The following PNPLA6 variants were observed in gnomAD, a reference collection of about 807,000 sequenced individuals.
PNPLA6 encodes patatin like domain 6, lysophospholipase.
In PNPLA6, 105 loss-of-function variants were observed where a neutral mutation model predicts 153.7. The ratio of observed to expected loss-of-function variants is 0.68; its 90% CI spans 0.58 to 0.80. The LOEUF (loss-of-function observed/expected upper bound fraction) is 0.80. Among genes scored for constraint, PNPLA6 ranks in the 30% least tolerant of loss-of-function variants. PNPLA6 has a pLI of 0.00. For missense variants in PNPLA6, 1,423 were observed against 1,919.3 expected (o/e 0.74, Z 4.83); for synonymous variants, 825 against 822.2 (o/e 1.00, Z -0.06).
chr19:7,558,782 G>T (rs560246204), intron 27 of PNPLA6, 68 bp from the exon 28 acceptor site: 8 of 1,127,118 alleles, frequency 7.1e-6, no homozygotes, highest in Non-Finnish European at 1.0e-5. Flanking sequence ...GCATCTGTGG[G>T]ACTGGGTTGA....
chr19:7,540,597 G>T lies in PNPLA6; in HGVS notation c.715-33G>T, dbSNP rs1317975052. 6.5e-7 allele frequency: 1 copy of T among 1,539,550 alleles called. No homozygotes were observed. Among genetic ancestry groups the T allele is most frequent in the African/African-American group, 1.4e-5 (1 of 73,502 alleles). On this transcript the variant is annotated intron_variant, in intron 5 of 31. Transcript: ENST00000600737. The surrounding 1 kb of genome is among the most constrained non-coding windows in gnomAD (Gnocchi z 6.8). ...GCGACATGCCAGTCACCAGGGCGAG[G>T]CCACTGAGGGTCCACGGTCTCCTGT...
chr19:7,536,314 G>GGCC (rs748403555), intron 2 of PNPLA6, 41 bp downstream of exon 2: 3 of 1,516,898 alleles, frequency 2.0e-6, no homozygotes, highest in Non-Finnish European at 9.2e-7. Context: ...ACCACACAGA[G>GGCC]GCCGCGCCCC....
Position 7,554,728 on chromosome 19 carries a change from G to T in PNPLA6, c.2634+5G>T. 6.2e-7 allele frequency: 1 copy of T among 1,611,566 alleles called. No individual in the cohort carries two copies. The stretch of plus-strand genomic sequence containing the variant: ...CAGGAGCCTACCCTCGGCCAGGTCG[G>T]AAGCCCGTGCCCCCTGATCTCACCC... On this transcript the variant is annotated splice_donor_5th_base_variant and intron_variant, in intron 21 of 31. Transcript: ENST00000600737.
rs1433006907 is a variant in PNPLA6, at chr19:7,541,090, C to A, written c.924+39C>A. On this transcript the variant is annotated intron_variant, in intron 7 of 31. Coordinates refer to ENST00000600737, the MANE Select transcript of PNPLA6 (RefSeq NM_001166114.2). This position sits in a 1 kb window ranked among gnomAD's most constrained non-coding sequence, Gnocchi z 5.2. ...CGCCTCCTGTCACCCCCTGAGGGAC[C>A]CCACCCTGGCCCCCACCCATTCCAG... 21 of 1,590,792 alleles carry A rather than the reference C, an allele frequency of 1.3e-5. No individual in the cohort carries two copies. The highest frequency in any genetic ancestry group is 1.5e-5 in the Non-Finnish European group (18 of 1,169,130).
In PNPLA6 at chr19:7,554,727, G is replaced by C. The variant is rs751744206; in HGVS notation, c.2634+4G>C. On this transcript the variant is annotated splice_donor_region_variant and intron_variant, in intron 21 of 31. Transcript: ENST00000600737. ...CCAGGAGCCTACCCTCGGCCAGGTC[G>C]GAAGCCCGTGCCCCCTGATCTCACC... 8 of 1,611,412 alleles carry C rather than the reference G, an allele frequency of 5.0e-6. No individual in the cohort carries two copies. In the African/African-American group the frequency reaches 1.1e-4, roughly 22 times the overall value.
Position 7,540,941 on chromosome 19 carries a change from C to A in PNPLA6, c.814C>A (p.Arg272=). Residue 272 remains arginine (R), a synonymous_variant, in exon 7 of 32, where the codon CGG becomes AGG. Transcript: ENST00000600737. This position sits in a 1 kb window ranked among gnomAD's most constrained non-coding sequence, Gnocchi z 6.8. ...CCCCCAGGGTCACCAGCATCCCCAG[C>A]GGACCGTGTCTGCCCGGGCGGCCCG... ...DVITGHQHPQ[R]TVSARAARDS... is the part of the protein sequence containing the mutation. 2.5e-6 allele frequency: 4 copies of A among 1,612,844 alleles called. No individual in the cohort carries two copies. Among genetic ancestry groups the A allele is most frequent in the South Asian group, 1.1e-5 (1 of 91,060 alleles).
intron 31 of PNPLA6, 72 bp downstream of exon 31, chr19:7,561,389 C>A (rs45474094): frequency 1.4e-6 from 2 of 1,427,820 alleles, no homozygotes; most frequent in Non-Finnish European, 1.9e-6. Context: ...GCAGGGGAGC[C>A]GGGGGCGTAT....
chr19:7,547,806 T>TTAAA (rs1555747266), intron 13 of PNPLA6, among the ~76,000 whole-genome samples: 1 of 23,790 alleles, frequency 4.2e-5, no homozygotes, highest in Non-Finnish European at 8.3e-5. Flanking sequence ...CCTGGCTAAT[T>TTAAA]AAAAATTTTT....
At chr19:7,557,898 G>A (rs1057384127) in intron 27 of PNPLA6, among the ~76,000 whole-genome samples, 3 of 152,182 alleles carry the variant, frequency 2.0e-5, no homozygotes, top group Admixed American at 1.3e-4. Context: ...CACACATCAG[G>A]GGACATGCAG....
chr19:7,548,872 G>A (rs1375430024), intron 13 of PNPLA6, among the ~76,000 whole-genome samples: 3 of 146,068 alleles, frequency 2.1e-5, no homozygotes, highest in Admixed American at 6.9e-5. Flanking sequence ...GCGCGATCTC[G>A]GCTCACTGCA....
At chr19:7,557,667 C>T (rs897311890) in intron 27 of PNPLA6, 5 of 351,474 alleles carry the variant, frequency 1.4e-5, no homozygotes, top group African/African-American at 1.1e-4. Flanking sequence ...GCCTGTAATC[C>T]CAGCTACTCA....
At position 7,553,950 on chromosome 19, in the gene PNPLA6, C is replaced by CT. The variant is rs757382473; in HGVS notation, c.2337dup (p.Val780CysfsTer4). ...AACCTGGCAACTGTGGCAATCCTGCCTGTGTGTGCTGAGGTCCCCATGGTG... is the reference window on the plus strand; with the variant it reads ...AACCTGGCAACTGTGGCAATCCTGCCTTGTGTGTGCTGAGGTCCCCATGGTG... On this transcript the variant is annotated frameshift_variant, in exon 19 of 32. Transcript: ENST00000600737. LOFTEE classifies it high-confidence loss of function. The CT allele has an allele frequency of 1.9e-6, 3 of 1,613,570 alleles. No homozygotes were observed. The highest frequency in any genetic ancestry group is 2.5e-6 in the Non-Finnish European group (3 of 1,179,834).
upstream of PNPLA6, chr19:7,535,213 G>C: frequency 1.9e-6 from 1 of 538,222 alleles, no homozygotes; most frequent in Non-Finnish European, 3.4e-6. This position sits in a 1 kb window ranked among gnomAD's most constrained non-coding sequence, Gnocchi z 5.0. Context: ...GTGGGTACCA[G>C]GTCGGCCTTT....
In PNPLA6 at chr19:7,554,976, G is replaced by T. The variant is rs372391232; in HGVS notation, c.2718G>T (p.Thr906=). Residue 906 remains threonine, a synonymous_variant, in exon 22 of 32, where the codon ACG becomes ACT. Coordinates refer to ENST00000600737, the MANE Select transcript of PNPLA6 (RefSeq NM_001166114.2). ...ACCGAGAGGAGGGCGCGGGCCCCAC[G>T]CGCACCGTGGAGTGGCTAAATATGC... ...LLHREEGAGP[T]RTVEWLNMRS... is the part of the protein sequence containing the mutation. 2.5e-6 allele frequency: 4 copies of T among 1,591,726 alleles called. No homozygotes were observed. Among genetic ancestry groups the T allele is most frequent in the Non-Finnish European group, 3.4e-6 (4 of 1,176,484 alleles).
At chr19:7,545,065 C>T (rs1368581466) in intron 13 of PNPLA6, among the ~76,000 whole-genome samples, 1 of 151,692 alleles carries the variant, frequency 6.6e-6, no homozygotes, top group Admixed American at 6.6e-5. Context: ...CTTGCTCTGT[C>T]GCCCAGGCTG....
intron 3 of PNPLA6, 61 bp downstream of exon 3, chr19:7,536,607 C>A: frequency 9.5e-7 from 1 of 1,057,842 alleles, no homozygotes; most frequent in South Asian, 1.3e-5. Flanking sequence ...TTTGAGTAAT[C>A]AGCTTACACC....
intron 13 of PNPLA6, 184 bp from the exon 14 acceptor site, chr19:7,549,723 G>A (rs2023560202): frequency 9.3e-6 from 6 of 644,040 alleles, no homozygotes; most frequent in Non-Finnish European, 2.8e-6. Flanking sequence ...CTGGCCTCAA[G>A]TGATCCCCCC....
intron 27 of PNPLA6, chr19:7,557,529 T>A (rs1384803379): frequency 1.9e-6 from 1 of 540,088 alleles, no homozygotes; most frequent in African/African-American, 1.9e-5. Context: ...CAGCCTGGAA[T>A]CCCAGCACTT....
chr19:7,538,524 T>G (rs1347638615), intron 3 of PNPLA6, among the ~76,000 whole-genome samples: 1 of 152,198 alleles, frequency 6.6e-6, no homozygotes, highest in African/African-American at 2.4e-5. Context: ...TCACTGAGTT[T>G]AACTCAGGGT....
Sources: allele counts gnomAD v4.1 joint callset (sites outside exome capture counted in the v4.1 genomes callset), GRCh38; gene constraint gnomAD v4.1.1; non-coding constraint Gnocchi (gnomAD v3.1); transcripts MANE v1.5; gene names NCBI Gene and HGNC (gene_info 2026-07-23, HGNC 2026-07-21).